RPS6KC1: variants seen among roughly 807,000 people sequenced by gnomAD.
The protein encoded by RPS6KC1 is inactive ribosomal protein S6 kinase delta-1.
In RPS6KC1, 54 loss-of-function variants were observed where a neutral mutation model predicts 103.8. The ratio of observed to expected loss-of-function variants is 0.52; its 90% confidence interval spans 0.42 to 0.65. The LOEUF is 0.65. RPS6KC1 is among the 30% of genes least tolerant of loss of function. RPS6KC1 has a pLI of 0.00. For missense variants in RPS6KC1, 1,151 were observed against 1,253.8 expected (o/e 0.92, Z 1.24); for synonymous variants, 439 against 438.7 (o/e 1.00, Z -0.01).
At chr1:213,212,038 A>G (rs574913858) in intron 8 of RPS6KC1, among the ~76,000 whole-genome samples, 1 of 152,192 alleles carries the variant, frequency 6.6e-6, no homozygotes, top group South Asian at 2.1e-4. Context: ...AACCCCCACC[A>G]GAGTGGTACA....
At chr1:213,755,666 G>A in the RPS6KC1 span, among the ~76,000 whole-genome samples, 4 of 152,158 alleles carry the variant, frequency 2.6e-5, no homozygotes, top group Non-Finnish European at 5.9e-5. Flanking sequence ...CATCAGACTT[G>A]TCCTATATAT....
At chr1:213,152,334 C>A (rs1341408607) in intron 6 of RPS6KC1, among the ~76,000 whole-genome samples, 33 of 144,642 alleles carry the variant, frequency 2.3e-4, no homozygotes, top group African/African-American at 8.0e-4. Context: ...GGGGCTGACC[C>A]CCCCCACCTC....
the RPS6KC1 span, among the ~76,000 whole-genome samples, chr1:213,623,114 A>T: frequency 2.8e-4 from 43 of 152,292 alleles, no homozygotes; most frequent in African/African-American, 9.9e-4. Context: ...CTGGCTGTAG[A>T]AGGAAGGCGA....
the RPS6KC1 span, among the ~76,000 whole-genome samples, chr1:213,380,377 C>T: frequency 1.3e-5 from 2 of 152,136 alleles, no homozygotes; most frequent in African/African-American, 4.8e-5. Flanking sequence ...CTAATGGATA[C>T]TAGGCTTAAT....
At chr1:213,717,860 C>G in the RPS6KC1 span, among the ~76,000 whole-genome samples, 1 of 152,170 alleles carries the variant, frequency 6.6e-6, no homozygotes, top group African/African-American at 2.4e-5. Flanking sequence ...GTGTGAGCCT[C>G]TTCCCAGAGC....
the RPS6KC1 span, among the ~76,000 whole-genome samples, chr1:213,696,680 C>A: frequency 3.9e-5 from 6 of 152,102 alleles, no homozygotes; most frequent in Non-Finnish European, 8.8e-5. Context: ...CTTTTCTGAT[C>A]ATCATCAATG....
intron 4 of RPS6KC1, among the ~76,000 whole-genome samples, chr1:213,107,047 T>C (rs975800542): frequency 5.3e-5 from 8 of 152,140 alleles, no homozygotes; most frequent in African/African-American, 1.9e-4. Flanking sequence ...GTTCAAGCTA[T>C]TCTCCTGCCT....
the RPS6KC1 span, among the ~76,000 whole-genome samples, chr1:213,853,903 C>T: frequency 1.3e-5 from 2 of 152,194 alleles, no homozygotes; most frequent in South Asian, 2.1e-4. Context: ...CTCTTGTCCT[C>T]ACCACAAATA....
At chr1:213,388,960 C>T in the RPS6KC1 span, among the ~76,000 whole-genome samples, 2 of 152,188 alleles carry the variant, frequency 1.3e-5, no homozygotes, top group Non-Finnish European at 2.9e-5. Context: ...GACTGGACTG[C>T]TTTATGCTGA....
the RPS6KC1 span, among the ~76,000 whole-genome samples, chr1:213,370,253 T>A: frequency 5.4e-5 from 8 of 148,820 alleles, no homozygotes; most frequent in African/African-American, 2.0e-4. Flanking sequence ...ATTTTATTTA[T>A]TTTATTTTAT....
At chr1:213,537,158 C>T in the RPS6KC1 span, among the ~76,000 whole-genome samples, 1 of 152,170 alleles carries the variant, frequency 6.6e-6, no homozygotes, top group East Asian at 1.9e-4. Flanking sequence ...TCAGGGCCTC[C>T]ATTCTCTGTA....
At chr1:213,402,872 G>T in the RPS6KC1 span, among the ~76,000 whole-genome samples, 1 of 151,256 alleles carries the variant, frequency 6.6e-6, no homozygotes, top group Non-Finnish European at 1.5e-5. Flanking sequence ...TTTTTGGGTG[G>T]GGGAGGCCGA....
At chr1:213,693,672 G>A in the RPS6KC1 span, among the ~76,000 whole-genome samples, 4 of 152,158 alleles carry the variant, frequency 2.6e-5, no homozygotes. Flanking sequence ...TTGGAGAATC[G>A]CTGTTGTTCA....
chr1:213,671,726 G>T, the RPS6KC1 span, among the ~76,000 whole-genome samples: 1 of 152,194 alleles, frequency 6.6e-6, no homozygotes, highest in Non-Finnish European at 1.5e-5. Flanking sequence ...GGAGGTTGCA[G>T]TGAGCAGAGA....
At chr1:213,507,126 C>T in the RPS6KC1 span, among the ~76,000 whole-genome samples, 3 of 152,150 alleles carry the variant, frequency 2.0e-5, no homozygotes, top group South Asian at 6.2e-4. Flanking sequence ...AAATTAGGCT[C>T]CTGCTAATTT....
chr1:213,201,544 C>T (rs1337494282), intron 8 of RPS6KC1, among the ~76,000 whole-genome samples: 2 of 152,130 alleles, frequency 1.3e-5, no homozygotes, highest in African/African-American at 2.4e-5. Context: ...ATCTATAGAA[C>T]ATACTACAGC....
At chr1:213,810,510 T>C in the RPS6KC1 span, among the ~76,000 whole-genome samples, 3 of 152,162 alleles carry the variant, frequency 2.0e-5, no homozygotes, top group African/African-American at 4.8e-5. Flanking sequence ...CTTTCTGACA[T>C]ATCAAAGTGA....
the RPS6KC1 span, among the ~76,000 whole-genome samples, chr1:213,648,057 G>A: frequency 5.3e-5 from 8 of 152,224 alleles, no homozygotes; most frequent in East Asian, 1.5e-3. Context: ...AAAAAGATAT[G>A]ATGTCATTGA....
the RPS6KC1 span, among the ~76,000 whole-genome samples, chr1:213,321,873 G>A: frequency 6.6e-6 from 1 of 152,208 alleles, no homozygotes. Flanking sequence ...GCTGTGGGAT[G>A]TCTGGAGAAA....
Sources: allele counts gnomAD v4.1 joint callset (sites outside exome capture counted in the v4.1 genomes callset), GRCh38; gene constraint gnomAD v4.1.1; transcripts MANE v1.5; gene names NCBI Gene and HGNC (gene_info 2026-07-23, HGNC 2026-07-21).